SHPRH: variants seen among roughly 807,000 people sequenced by gnomAD.
SHPRH encodes E3 ubiquitin-protein ligase SHPRH.
In SHPRH, 106 loss-of-function variants were observed where a neutral mutation model predicts 202.5. That is an observed-to-expected ratio of 0.52 (90% CI 0.45 to 0.62). The LOEUF (loss-of-function observed/expected upper bound fraction) is 0.62. Ranked by LOEUF, SHPRH falls within the 20% of genes least tolerant of loss-of-function variation. The pLI is 0.00. For synonymous variants in SHPRH, 729 were observed against 686.0 expected (o/e 1.06, Z -0.98); for missense variants, 1,710 against 2,020.0 (o/e 0.85, Z 2.94).
intron 28 of SHPRH, 153 bp downstream of exon 28, chr6:145,893,062 A>G (rs1213869672): frequency 3.5e-6 from 1 of 289,558 alleles, no homozygotes; most frequent in South Asian, 1.3e-4. Flanking sequence ...TTATAAATAA[A>G]TAAGTTATAA....
intron 28 of SHPRH, among the ~76,000 whole-genome samples, chr6:145,888,411 G>T (rs925852669): frequency 6.6e-6 from 1 of 152,054 alleles, no homozygotes; most frequent in African/African-American, 2.4e-5. Flanking sequence ...GGAGTAGGAA[G>T]AATATCCAAA....
chr6:145,903,532 C>CA (rs1287209926), intron 25 of SHPRH: 1 of 151,788 alleles, frequency 6.6e-6, no homozygotes, highest in Non-Finnish European at 1.5e-5. Context: ...TCTAATGAGT[C>CA]AAAGTTTATG....
At chr6:145,910,302 C>G in intron 25 of SHPRH, 146 bp downstream of exon 25, 1 of 834,710 alleles carries the variant, frequency 1.2e-6, no homozygotes, top group Non-Finnish European at 1.9e-6. Context: ...TAAGCTGAGG[C>G]TTTCAGGCAG....
intron 4 of SHPRH, among the ~76,000 whole-genome samples, chr6:145,950,031 T>C (rs1787814391): frequency 6.6e-6 from 1 of 152,126 alleles, no homozygotes; most frequent in South Asian, 2.1e-4. Context: ...TGAGGCAGGA[T>C]TGATTTCCTT....
chr6:145,947,429 A>G, intron 6 of SHPRH, 64 bp downstream of exon 6: 1 of 1,538,472 alleles, frequency 6.5e-7, no homozygotes. Flanking sequence ...GCAAATGTTC[A>G]ACATACGATG....
intron 25 of SHPRH, chr6:145,906,638 A>G (rs1440264014): frequency 6.6e-6 from 1 of 152,100 alleles, no homozygotes; most frequent in Non-Finnish European, 1.5e-5. Context: ...CTTAAACAGA[A>G]CAACAACAAA....
At chr6:145,890,156 C>T (rs994277128) in intron 28 of SHPRH, among the ~76,000 whole-genome samples, 4 of 152,190 alleles carry the variant, frequency 2.6e-5, no homozygotes, top group Non-Finnish European at 5.9e-5. Flanking sequence ...ACTGGCCTTA[C>T]CAGCCACACA....
chr6:145,927,229 G>A lies in SHPRH; in HGVS notation c.3161C>T (p.Ser1054Leu). 6.2e-7 allele frequency: 1 copy of A among 1,611,988 alleles called. No homozygotes were observed. The highest frequency in any genetic ancestry group is 8.5e-7 in the Non-Finnish European group (1 of 1,178,844). The change falls in exon 15 of 30, where the codon TCG (serine) becomes TTG (leucine). Residue 1054 changes from serine to leucine, a missense_variant. Coordinates refer to ENST00000275233, the MANE Select transcript of SHPRH (RefSeq NM_001042683.3). ...AELYREVLRSSEEHKGKLKTD... is the reference protein window; with the variant it reads ...AELYREVLRSLEEHKGKLKTD... ...TTTGAGTTTTCCTTTGTGTTCCTCC[G>A]AGGAGCGCAACACTTCTCTGTACAA...
intron 1 of SHPRH, among the ~76,000 whole-genome samples, chr6:145,959,539 C>T (rs1262555067): frequency 6.6e-6 from 1 of 152,054 alleles, no homozygotes; most frequent in African/African-American, 2.4e-5. Context: ...AACAAACTTG[C>T]CTATGATGCA....
chr6:145,903,701 C>A (rs980425963), intron 25 of SHPRH: 2 of 152,210 alleles, frequency 1.3e-5, no homozygotes, highest in Admixed American at 6.6e-5. Flanking sequence ...TATCTATTTT[C>A]TCCCGGACAG....
chr6:145,902,861 C>T (rs1239282882), intron 25 of SHPRH, among the ~76,000 whole-genome samples: 1 of 152,046 alleles, frequency 6.6e-6, no homozygotes, highest in Non-Finnish European at 1.5e-5. Flanking sequence ...ACCTCATGAA[C>T]AAGTCCTCTA....
Position 145,921,326 on chromosome 6 carries a change from T to C in SHPRH, c.3849A>G (p.Arg1283=). ...IEDEEGLVDD[R]APTTTRGLWA... is the part of the protein sequence containing the mutation. The stretch of plus-strand genomic sequence containing the variant: ...AGAGACCCCGGGTGGTGGTAGGTGC[T>C]CGATCATCCACCAGTCCTTCTTCAT... The change falls in exon 21 of 30, where the codon CGA becomes CGG. Residue 1283 remains arginine, a synonymous_variant. Transcript: ENST00000275233. 6.2e-7 allele frequency: 1 copy of C among 1,612,910 alleles called. No homozygotes were observed. Among genetic ancestry groups the C allele is most frequent in the South Asian group, 1.1e-5 (1 of 91,056 alleles).
intron 7 of SHPRH, 99 bp downstream of exon 7, chr6:145,946,134 C>G (rs996321403): frequency 2.5e-6 from 2 of 809,790 alleles, no homozygotes; most frequent in Non-Finnish European, 1.8e-6. Context: ...ACTGTAAAAA[C>G]AATTGTTTAT....
At position 145,950,501 on chromosome 6, in the gene SHPRH, A is replaced by T. The variant is rs763009772; in HGVS notation, c.764-19T>A. The T allele has an allele frequency of 4.8e-5, 77 of 1,607,154 alleles. No individual in the cohort carries two copies. The Middle Eastern group carries it at 1.1e-3, about 23-fold the overall frequency. On this transcript the variant is annotated intron_variant, in intron 3 of 29. Coordinates refer to ENST00000275233, the MANE Select transcript of SHPRH (RefSeq NM_001042683.3). The stretch of plus-strand genomic sequence containing the variant: ...AACACATCTGTACATCACACAGCAA[A>T]TGTACTCAAAAACTGATAGGTTTTT...
At chr6:145,873,854 G>T (rs1780174756) in intron 2 of SHPRH, among the ~76,000 whole-genome samples, 2 of 152,140 alleles carry the variant, frequency 1.3e-5, no homozygotes, top group African/African-American at 4.8e-5. Context: ...ACTTTTCAGT[G>T]TCACAAAATT....
At chr6:145,883,932 G>T (rs777291765), downstream of SHPRH, 10 of 152,116 alleles carry the variant, frequency 6.6e-5, no homozygotes, top group Non-Finnish European at 1.3e-4. Flanking sequence ...TAAGCCTGAG[G>T]TTATTCAGCA....
At chr6:145,909,922 GGAAAAAAA>G (rs1242994481) in intron 25 of SHPRH, 6 of 152,032 alleles carry the variant, frequency 3.9e-5, no homozygotes, top group African/African-American at 1.4e-4. Flanking sequence ...AATGAAGCAT[GGAAAAAAA>G]TTAGGAAAAT....
rs1393821130 is a variant in SHPRH at position 145,963,779 on chromosome 6, G to A, written c.-81C>T. ...CAAGCGGCTCCCGGAGTCTGAGCGGGGCTGTCAGCGCCGGATCGCTCCCAG... is the reference window on the plus strand; with the variant it reads ...CAAGCGGCTCCCGGAGTCTGAGCGGAGCTGTCAGCGCCGGATCGCTCCCAG... On this transcript the variant is annotated 5_prime_UTR_variant, in exon 1 of 30. Coordinates refer to ENST00000275233, the MANE Select transcript of SHPRH (RefSeq NM_001042683.3). 2 of 152,202 alleles carry A rather than the reference G, an allele frequency of 1.3e-5. No homozygotes were observed. Among genetic ancestry groups the A allele is most frequent in the Non-Finnish European group, 2.9e-5 (2 of 68,058 alleles). 9.4% of individuals were successfully genotyped at this position (152,202 alleles called of 1,614,324 possible). A position where few individuals can be genotyped will look rare whatever the true frequency, so the allele number is the denominator to read the frequency against.
Position 145,886,274 on chromosome 6 carries a change from AGATACT to A in SHPRH, c.*411_*416del, listed in dbSNP as rs1780997897. 3 of 519,554 alleles carry A rather than the reference AGATACT, an allele frequency of 5.8e-6. No individual in the cohort carries two copies. Among genetic ancestry groups the A allele is most frequent in the Non-Finnish European group, 1.1e-5 (3 of 279,560 alleles). 32.2% of individuals were successfully genotyped at this position (519,554 alleles called of 1,614,324 possible). ...AAGATATTGGTGAATCATGTGCTAA[AGATACT>A]GAAGGCCCTTCCAAAACTGAGATCT... On this transcript the variant is annotated 3_prime_UTR_variant, in exon 30 of 30. Coordinates refer to ENST00000275233, the MANE Select transcript of SHPRH (RefSeq NM_001042683.3).
Sources: gnomAD v4.1 joint callset for allele counts (sites outside exome capture counted in the v4.1 genomes callset) on GRCh38, gnomAD v4.1.1 for gene constraint, MANE v1.5 for transcripts, NCBI Gene and HGNC (gene_info 2026-07-23, HGNC 2026-07-21) for gene names.